DMD: variants seen among roughly 807,000 people sequenced by gnomAD.
The protein encoded by DMD is dystrophin.
A neutral mutation model predicts 330.1 loss-of-function variants in DMD; 63 were observed. The observed-to-expected ratio is 0.19, with a 90% CI of 0.16 to 0.24. The LOEUF (loss-of-function observed/expected upper bound fraction) is 0.24. DMD is among the 10% of genes least tolerant of loss of function. The pLI is 1.00. For missense variants in DMD, 3,344 were observed against 2,684.1 expected (o/e 1.25, Z -5.43); for synonymous variants, 1,223 against 959.8 (o/e 1.27, Z -5.07).
chrX:32,113,334 T>G (rs1253438903), intron 44 of DMD, among the ~76,000 whole-genome samples: 2 of 112,495 alleles, frequency 1.8e-5, no homozygotes, highest in Non-Finnish European at 3.8e-5. Flanking sequence ...CACAAAGCAA[T>G]GGTAAATGTT....
chrX:32,216,601 G>A (rs1186451571), intron 44 of DMD, among the ~76,000 whole-genome samples: 7 of 111,271 alleles, frequency 6.3e-5, no homozygotes, highest in Middle Eastern at 4.2e-3. Flanking sequence ...ACATAAAGCC[G>A]AAATACACAC....
At chrX:31,477,643 G>A (rs1270810555) in intron 59 of DMD, among the ~76,000 whole-genome samples, 2 of 110,784 alleles carry the variant, frequency 1.8e-5, no homozygotes, top group East Asian at 5.7e-4. Flanking sequence ...CCAAGGGAAG[G>A]GCAACACATT....
chrX:32,760,451 G>C (rs1406733156), intron 7 of DMD, among the ~76,000 whole-genome samples: 2 of 111,737 alleles, frequency 1.8e-5, no homozygotes, highest in Non-Finnish European at 3.8e-5. Flanking sequence ...ATGACTGCAA[G>C]CTCTATTGAA....
chrX:32,829,783 T>C (rs1380078797), intron 4 of DMD, among the ~76,000 whole-genome samples: 1 of 111,703 alleles, frequency 9.0e-6, no homozygotes, highest in Non-Finnish European at 1.9e-5. Context: ...TTTACATTTA[T>C]GTGCATTTTA....
intron 1 of DMD, among the ~76,000 whole-genome samples, chrX:33,066,171 G>A (rs1295421979): frequency 9.1e-6 from 1 of 110,109 alleles, no homozygotes; most frequent in Non-Finnish European, 1.9e-5. Flanking sequence ...GAGTAATAAG[G>A]CCAGGTGCAG....
At chrX:33,050,291 T>G in intron 1 of DMD, among the ~76,000 whole-genome samples, 1 of 111,880 alleles carries the variant, frequency 8.9e-6, no homozygotes, top group Non-Finnish European at 1.9e-5. Flanking sequence ...TTTGATAGAA[T>G]ATTCAGACAA....
rs779928916 is a variant in DMD, at chrX:31,258,311, T to C, written c.9286+2644A>G. On this transcript the variant is annotated intron_variant, in intron 63 of 78. Coordinates refer to ENST00000357033, the MANE Select transcript of DMD (RefSeq NM_004006.3). Reference sequence around the variant, plus strand: ...ATGTTGATACCATCCACCATGCAGGTTGGTTGCTGGCACATCCCATGTGGA... The same window carrying C: ...ATGTTGATACCATCCACCATGCAGGCTGGTTGCTGGCACATCCCATGTGGA... Among the ~76,000 whole-genome samples the C allele has an allele frequency of 2.5e-3, 281 of 112,479 alleles. 1 individual carries two copies. The highest frequency in any genetic ancestry group is 0.023 in the Middle Eastern group (5 of 214).
At chrX:33,302,767 G>A (rs2053685640) in intron 1 of DMD, among the ~76,000 whole-genome samples, 1 of 111,062 alleles carries the variant, frequency 9.0e-6, no homozygotes, top group African/African-American at 3.3e-5. Context: ...AACCTATATT[G>A]ACAAATCATT....
At chrX:33,005,896 T>C (rs1016163246) in intron 2 of DMD, among the ~76,000 whole-genome samples, 6 of 111,381 alleles carry the variant, frequency 5.4e-5, no homozygotes, top group Non-Finnish European at 1.1e-4. Flanking sequence ...TAAGCAATTG[T>C]AGCAAAGTTG....
At chrX:32,502,782 G>C (rs2044187582) in intron 18 of DMD, among the ~76,000 whole-genome samples, 1 of 110,871 alleles carries the variant, frequency 9.0e-6, no homozygotes, top group Admixed American at 9.6e-5. Flanking sequence ...ACATCCACAG[G>C]CATTTAAAAA....
At chrX:32,708,966 C>G (rs1366749574) in intron 7 of DMD, among the ~76,000 whole-genome samples, 1 of 112,005 alleles carries the variant, frequency 8.9e-6, no homozygotes, top group Non-Finnish European at 1.9e-5. Context: ...AAAACTGAAA[C>G]CAGTGGACGA....
intron 1 of DMD, among the ~76,000 whole-genome samples, chrX:33,307,429 C>T (rs926867629): frequency 4.7e-4 from 53 of 112,487 alleles, no homozygotes; most frequent in African/African-American, 1.5e-3. Context: ...CGGTGGCTCA[C>T]GCCTGTAATC....
intron 44 of DMD, among the ~76,000 whole-genome samples, chrX:31,989,911 A>T (rs1392427019): frequency 9.0e-6 from 1 of 111,112 alleles, no homozygotes; most frequent in Non-Finnish European, 1.9e-5. Context: ...CATCACCCAG[A>T]TAGTGAACAT....
At chrX:31,517,918 AACACACAC>A (rs372551324) in intron 55 of DMD, among the ~76,000 whole-genome samples, 1,426 of 89,622 alleles carry the variant, frequency 0.016, 26 homozygotes, top group African/African-American at 0.053. Context: ...CTGTGTTTCA[AACACACAC>A]ACACACACAC....
At chrX:32,205,043 C>CACACCCA in intron 44 of DMD, among the ~76,000 whole-genome samples, 1 of 33,498 alleles carries the variant, frequency 3.0e-5, no homozygotes, top group Non-Finnish European at 7.6e-5. Flanking sequence ...ACACACACAC[C>CACACCCA]CACACACACA....
chrX:31,852,760 T>TTAAAA (rs1203745574), intron 48 of DMD, among the ~76,000 whole-genome samples: 2 of 111,830 alleles, frequency 1.8e-5, no homozygotes, highest in South Asian at 7.5e-4. Flanking sequence ...TATTTGTCAA[T>TTAAAA]TAAAATAAAA....
intron 1 of DMD, among the ~76,000 whole-genome samples, chrX:33,021,131 T>C (rs2093906491): frequency 9.0e-6 from 1 of 111,248 alleles, no homozygotes; most frequent in African/African-American, 3.3e-5. Flanking sequence ...AGTCAGAACA[T>C]TTCAAATAAA....
intron 11 of DMD, among the ~76,000 whole-genome samples, chrX:32,639,281 T>C (rs2059296013): frequency 8.9e-6 from 1 of 111,813 alleles, no homozygotes; most frequent in South Asian, 3.7e-4. Flanking sequence ...CTGTTTTCCC[T>C]GTGCCAGTTG....
At chrX:31,671,132 T>G (rs1289619259) in intron 53 of DMD, among the ~76,000 whole-genome samples, 1 of 111,783 alleles carries the variant, frequency 8.9e-6, no homozygotes, top group Non-Finnish European at 1.9e-5. Flanking sequence ...CAGGATGGTC[T>G]CAATCTCCTG....
Sources: gnomAD v4.1 joint callset for allele counts (sites outside exome capture counted in the v4.1 genomes callset) on GRCh38, gnomAD v4.1.1 for gene constraint, MANE v1.5 for transcripts, NCBI Gene and HGNC (gene_info 2026-07-23, HGNC 2026-07-21) for gene names.